Variants in NAV1 observed in about 807,000 individuals in gnomAD.
NAV1 encodes the protein pore membrane and/or filament interacting like protein 3.
Under a neutral mutation model 175.2 loss-of-function variants are expected in NAV1, and 18 were observed. The ratio of observed to expected loss-of-function variants is 0.10; its 90% CI spans 0.07 to 0.15. The LOEUF (loss-of-function observed/expected upper bound fraction) is 0.15, where lower values mean the gene tolerates loss of function less well. Among genes scored for constraint, NAV1 ranks in the 10% least tolerant of loss-of-function variants. The pLI is 1.00. For missense variants in NAV1, 1,731 were observed against 2,436.6 expected (o/e 0.71, Z 6.10); for synonymous variants, 897 against 978.7 (o/e 0.92, Z 1.56).
intron 3 of NAV1, among the ~76,000 whole-genome samples, chr1:201,759,927 T>C (rs982324810): frequency 3.9e-5 from 6 of 152,170 alleles, no homozygotes. Flanking sequence ...ACATTGAAGC[T>C]CCTTCAAGTC....
chr1:201,712,782 T>C lies in NAV1; in HGVS notation c.758-35T>C. On this transcript the variant is annotated intron_variant, in intron 1 of 29. Transcript: ENST00000367296. Reference sequence around the variant, plus strand: ...CCCAGGATCCCAGCATTAAGTTCTCTTCACTCACCCAGCTCTTCCTTCTCT... The same window carrying C: ...CCCAGGATCCCAGCATTAAGTTCTCCTCACTCACCCAGCTCTTCCTTCTCT... The C allele has an allele frequency of 2.0e-6, 3 of 1,469,490 alleles. No individual in the cohort carries two copies. The East Asian group carries it at 6.8e-5, about 33-fold the overall frequency. The allele number at this position is 1,469,490 out of a possible 1,614,324, so 91.0% of individuals were successfully genotyped here. A position where few individuals can be genotyped will look rare whatever the true frequency, so the allele number is the denominator to read the frequency against.
chr1:201,603,404 G>T (rs1180171702), intron 2 of NAV1, among the ~76,000 whole-genome samples: 1 of 152,202 alleles, frequency 6.6e-6, no homozygotes, highest in African/African-American at 2.4e-5. Context: ...TTACAGGAAT[G>T]GTTGTTGTAC....
chr1:201,636,082 C>T (rs577403059), intron 2 of NAV1, among the ~76,000 whole-genome samples: 1 of 152,280 alleles, frequency 6.6e-6, no homozygotes, highest in African/African-American at 2.4e-5. Context: ...GAAGATCTGG[C>T]CCCTCAGATC....
At chr1:201,560,855 C>T (rs565326655) in intron 1 of NAV1, among the ~76,000 whole-genome samples, 9 of 152,326 alleles carry the variant, frequency 5.9e-5, no homozygotes, top group East Asian at 3.9e-4. Context: ...AGCACAATGA[C>T]GGGAAGGCCA....
intron 28 of NAV1, 127 bp from the exon 33 acceptor site, chr1:201,816,961 A>G: frequency 1.3e-6 from 1 of 779,624 alleles, no homozygotes; most frequent in Non-Finnish European, 2.0e-6. Flanking sequence ...GGCATGAGCC[A>G]CTGCGCCTGG....
intron 3 of NAV1, among the ~76,000 whole-genome samples, chr1:201,772,013 C>T (rs751143825): frequency 1.2e-4 from 19 of 152,174 alleles, no homozygotes; most frequent in Non-Finnish European, 2.6e-4. Context: ...TGAAGTTATG[C>T]ATTCTTGTTT....
At chr1:201,721,240 A>G (rs564926686) in intron 3 of NAV1, among the ~76,000 whole-genome samples, 1 of 152,366 alleles carries the variant, frequency 6.6e-6, no homozygotes, top group South Asian at 2.1e-4. Flanking sequence ...ATGCTAGTTT[A>G]CAAGATCATT....
At chr1:201,615,467 C>T (rs541749479) in intron 2 of NAV1, among the ~76,000 whole-genome samples, 1 of 152,132 alleles carries the variant, frequency 6.6e-6, no homozygotes, top group Non-Finnish European at 1.5e-5. Context: ...GTTTCACCAT[C>T]TTGGCTAGGC....
At chr1:201,612,588 G>T (rs1160492696) in intron 2 of NAV1, among the ~76,000 whole-genome samples, 2 of 152,244 alleles carry the variant, frequency 1.3e-5, no homozygotes, top group East Asian at 3.8e-4. Context: ...TGACATCTGT[G>T]TGTCCTCACG....
At chr1:201,794,051 A>G (rs904393854) in intron 14 of NAV1, 176 bp downstream of exon 18, 6 of 712,646 alleles carry the variant, frequency 8.4e-6, no homozygotes, top group African/African-American at 7.0e-5. Flanking sequence ...CCTTATCCCA[A>G]TTCCTTGCCC....
chr1:201,639,243 C>T (rs74136654), intron 2 of NAV1, among the ~76,000 whole-genome samples: 7,826 of 152,244 alleles, frequency 0.051, 648 homozygotes, highest in African/African-American at 0.18. Flanking sequence ...TTGAGTACTG[C>T]GTGTTGGCCA....
intron 2 of NAV1, among the ~76,000 whole-genome samples, chr1:201,604,744 A>AAGAG (rs1193587344): frequency 2.0e-4 from 30 of 149,724 alleles, no homozygotes; most frequent in Non-Finnish European, 3.0e-4. Context: ...GAAAGAAAGA[A>AAGAG]AGAGAGAGAG....
At chr1:201,564,845 C>G (rs926287569) in intron 1 of NAV1, among the ~76,000 whole-genome samples, 3 of 152,204 alleles carry the variant, frequency 2.0e-5, no homozygotes, top group African/African-American at 7.2e-5. Flanking sequence ...AGGCCACCCT[C>G]AATCTTTGGT....
chr1:201,711,695 T>C (rs116170885), intron 1 of NAV1, among the ~76,000 whole-genome samples: 2,988 of 152,312 alleles, frequency 0.02, 103 homozygotes, highest in African/African-American at 0.069. Context: ...CTGCAGATTG[T>C]CTTTTAGGGA....
At chr1:201,561,860 G>A (rs547392850) in intron 1 of NAV1, among the ~76,000 whole-genome samples, 6 of 152,198 alleles carry the variant, frequency 3.9e-5, no homozygotes, top group East Asian at 1.9e-4. Context: ...GATCCCCCAT[G>A]TTCAGGGCCC....
chr1:201,607,755 G>T (rs1357255034), intron 2 of NAV1, among the ~76,000 whole-genome samples: 2 of 152,058 alleles, frequency 1.3e-5, no homozygotes, highest in Non-Finnish European at 2.9e-5. Flanking sequence ...GCCTCCCAAA[G>T]TGCTGGGATT....
intron 1 of NAV1, among the ~76,000 whole-genome samples, chr1:201,584,596 G>T (rs1293162866): frequency 6.6e-6 from 1 of 152,328 alleles, no homozygotes; most frequent in East Asian, 1.9e-4. Flanking sequence ...TCAGCAGCTG[G>T]TTCCAGCTTG....
chr1:201,609,662 A>G (rs1326295627), intron 2 of NAV1, among the ~76,000 whole-genome samples: 1 of 152,210 alleles, frequency 6.6e-6, no homozygotes, highest in Non-Finnish European at 1.5e-5. Context: ...AGACGTGGTC[A>G]TCTGGCTGGC....
intron 2 of NAV1, among the ~76,000 whole-genome samples, chr1:201,595,739 A>G (rs1453613420): frequency 6.6e-6 from 1 of 152,194 alleles, no homozygotes; most frequent in African/African-American, 2.4e-5. Context: ...GGGAGAAGAA[A>G]TTCCATCTCT....
Sources: gnomAD v4.1 joint callset for allele counts (sites outside exome capture counted in the v4.1 genomes callset) on GRCh38, gnomAD v4.1.1 for gene constraint, MANE v1.5 for transcripts, NCBI Gene and HGNC (gene_info 2026-07-23, HGNC 2026-07-21) for gene names.